Variants in THBS4 observed in about 807,000 individuals in gnomAD.
The protein encoded by THBS4 is thrombospondin-4.
In THBS4, 90 loss-of-function variants were observed where a neutral mutation model predicts 115.7. The ratio of observed to expected loss-of-function variants is 0.78; its 90% CI spans 0.66 to 0.93. The LOEUF (loss-of-function observed/expected upper bound fraction) is 0.93. THBS4 is among the 40% of genes least tolerant of loss of function. The probability of loss-of-function intolerance (pLI) is 0.00; values close to 1 mark genes in which losing one functional copy is unlikely to be tolerated. For missense variants in THBS4, 1,087 were observed against 1,232.7 expected (o/e 0.88, Z 1.77); for synonymous variants, 460 against 479.3 (o/e 0.96, Z 0.53).
intron 1 of THBS4, chr5:80,036,012 C>T (rs1489507287): frequency 9.9e-7 from 1 of 1,007,290 alleles, no homozygotes; most frequent in South Asian, 4.7e-5. Context: ...TCCCTAAATC[C>T]TTCCTCAGGC....
exon 1 of THBS4, chr5:79,991,389 C>G: frequency 1.4e-6 from 1 of 695,470 alleles, no homozygotes; most frequent in Non-Finnish European, 2.3e-6. Context: ...AAGAAGAACT[C>G]TTAGGAGCAG....
In THBS4 at chr5:80,080,076, AG is replaced by A. The variant is rs761590883; in HGVS notation, c.2684+1del. ...LQHRPQVGYI[R>X]VRFYEGSELV... is the part of the protein sequence containing the mutation. ...GCACAGGCCCCAGGTGGGCTACATCAGGTAGGTAGAGGCCCCATCTCCTTAC... is the reference window on the plus strand; with the variant it reads ...GCACAGGCCCCAGGTGGGCTACATCAGTAGGTAGAGGCCCCATCTCCTTAC... On this transcript the variant is annotated frameshift_variant and splice_region_variant, in exon 20 of 22. Coordinates refer to ENST00000350881, the MANE Select transcript of THBS4 (RefSeq NM_003248.6). LOFTEE classifies it high-confidence loss of function. 1 of 1,613,108 alleles carries A rather than the reference AG, an allele frequency of 6.2e-7. No homozygotes were observed. The highest frequency in any genetic ancestry group is 8.5e-7 in the Non-Finnish European group (1 of 1,179,552).
chr5:80,040,937 T>A (rs1267548920), intron 2 of THBS4, among the ~76,000 whole-genome samples: 1 of 152,116 alleles, frequency 6.6e-6, no homozygotes, highest in Admixed American at 6.5e-5. Context: ...TAACCCACTC[T>A]CTCAAGAACT....
intron 2 of THBS4, among the ~76,000 whole-genome samples, chr5:80,048,632 A>ATGTGTGTGTGTG (rs56183875): frequency 0.029 from 4,326 of 147,320 alleles, 89 homozygotes; most frequent in Non-Finnish European, 0.042. Context: ...CACTAGATAG[A>ATGTGTGTGTGTG]TGTGTGTGTG....
At position 80,055,863 on chromosome 5, in the gene THBS4, G is replaced by A. The variant is rs867388540; in HGVS notation, c.371G>A (p.Arg124Gln). The A allele has an allele frequency of 3.7e-6, 6 of 1,614,160 alleles. No homozygotes were observed. In the East Asian group the frequency reaches 6.7e-5, roughly 18 times the overall value. The change falls in exon 3 of 22, where the codon CGG becomes CAG. Residue 124 changes from arginine to glutamine, a missense_variant. Coordinates refer to ENST00000350881, the MANE Select transcript of THBS4 (RefSeq NM_003248.6). ...FNNLQLADGR[R>Q]HRILLRLSNL... ...AACCTGCAGCTGGCAGACGGAAGGC[G>A]GCACAGGATCCTCCTGAGGCTGAGC... is the stretch of plus-strand genomic sequence containing the variant.
chr5:80,082,630 C>T lies in THBS4; in HGVS notation c.2824+85C>T, dbSNP rs571201392. 15 of 1,538,016 alleles carry T rather than the reference C, an allele frequency of 9.8e-6. No individual in the cohort carries two copies. The African/African-American group carries it at 1.5e-4, about 15-fold the overall frequency. ...CTTATTTTTATACCGCACTTCCCCCCCAAAAGCCCAACGCTCATACCACAT... is the reference window on the plus strand; with the variant it reads ...CTTATTTTTATACCGCACTTCCCCCTCAAAAGCCCAACGCTCATACCACAT... On this transcript the variant is annotated intron_variant, in intron 21 of 21. Transcript: ENST00000350881.
Position 80,058,783 on chromosome 5 carries a change from G to C in THBS4, c.725G>C (p.Arg242Thr), listed in dbSNP as rs1324439473. The change falls in exon 5 of 22, where the codon AGA becomes ACA. Residue 242 changes from arginine to threonine, a missense_variant. Around this residue, in one of 3 missense-constraint regions of THBS4, gnomAD observed 979 missense variants for 1,103.7 expected, o/e 0.89. Transcript: ENST00000350881. ...QLLGEVKDLLRQQVKETSFLR... is the reference protein window; with the variant it reads ...QLLGEVKDLLTQQVKETSFLR... ...CTGGGAGAGGTGAAGGACCTTCTGA[G>C]ACAGCAGGTAACAAGCGGGACATAT... 1.9e-6 allele frequency: 3 copies of C among 1,613,698 alleles called. No homozygotes were observed. In the South Asian group the frequency reaches 3.3e-5, roughly 18 times the overall value.
At chr5:80,079,325 G>A in intron 19 of THBS4, 67 bp downstream of exon 19, 1 of 1,479,620 alleles carries the variant, frequency 6.8e-7, no homozygotes, top group South Asian at 1.4e-5. Flanking sequence ...CAGATATTGT[G>A]TTTTCCCATG....
At position 80,072,271 on chromosome 5, in the gene THBS4, C is replaced by T. The variant is rs780930167; in HGVS notation, c.1721-7C>T. ...CCCTGACTCAAGGTAGCATTTCTTTCTCACAGGAATAAAAAACATTCTGGA... is the reference window on the plus strand; with the variant it reads ...CCCTGACTCAAGGTAGCATTTCTTTTTCACAGGAATAAAAAACATTCTGGA... On this transcript the variant is annotated splice_polypyrimidine_tract_variant and splice_region_variant and intron_variant, in intron 13 of 21. Coordinates refer to ENST00000350881, the MANE Select transcript of THBS4 (RefSeq NM_003248.6). The T allele has an allele frequency of 1.3e-4, 206 of 1,612,872 alleles. No homozygotes were observed. The highest frequency in any genetic ancestry group is 9.9e-4 in the Middle Eastern group (6 of 6,082).
At chr5:80,021,005 A>G (rs1476530945) in intron 2 of THBS4, among the ~76,000 whole-genome samples, 1 of 152,250 alleles carries the variant, frequency 6.6e-6, no homozygotes, top group Non-Finnish European at 1.5e-5. Flanking sequence ...AAATTGAATT[A>G]ACACAAGAGT....
intron 2 of THBS4, among the ~76,000 whole-genome samples, chr5:80,042,590 C>T (rs1832937800): frequency 6.6e-6 from 1 of 152,172 alleles, no homozygotes; most frequent in South Asian, 2.1e-4. Context: ...ACAAGAGTAA[C>T]ACTGGATTTA....
At chr5:80,001,039 T>TA (rs1163989531) in intron 2 of THBS4, among the ~76,000 whole-genome samples, 2 of 152,096 alleles carry the variant, frequency 1.3e-5, no homozygotes, top group Non-Finnish European at 2.9e-5. Flanking sequence ...ACCAACAGCT[T>TA]ACAAAAATTA....
intron 10 of THBS4, among the ~76,000 whole-genome samples, chr5:80,070,081 A>C (rs1462434958): frequency 1.3e-5 from 2 of 151,528 alleles, no homozygotes; most frequent in African/African-American, 4.9e-5. Context: ...TGGAAGTGGG[A>C]GTGGGAGGGA....
intron 2 of THBS4, among the ~76,000 whole-genome samples, chr5:80,051,343 G>GCC (rs1833250606): frequency 6.6e-6 from 1 of 152,072 alleles, no homozygotes; most frequent in Admixed American, 6.6e-5. Flanking sequence ...TAAAATAAGT[G>GCC]TAGAGGCACT....
At position 80,061,751 on chromosome 5, in the gene THBS4, C is replaced by A. The variant is rs1330272342; in HGVS notation, c.1044C>A (p.Phe348Leu). 6.2e-7 allele frequency: 1 copy of A among 1,614,016 alleles called. No individual in the cohort carries two copies. The highest frequency in any genetic ancestry group is 2.2e-5 in the East Asian group (1 of 44,882). ...ACTGCATAAATTTGTCTCCTGGCTT[C>A]AGATGTGACGCCTGCCCAGTGGGCT... ...GVHCINLSPG[F>L]RCDACPVGFT... The change falls in exon 8 of 22, where the codon TTC (phenylalanine) becomes TTA (leucine). Residue 348 changes from phenylalanine to leucine, a missense_variant. Around this residue, in one of 3 missense-constraint regions of THBS4, gnomAD observed 979 missense variants for 1,103.7 expected, o/e 0.89. Transcript: ENST00000350881.
Position 80,022,133 on chromosome 5 carries a change from G to A in THBS4, n.178-17944G>A, listed in dbSNP as rs568087216. 4.1e-4 allele frequency among the ~76,000 whole-genome samples: 63 copies of A among 152,262 alleles called. No homozygotes were observed. The South Asian group carries it at 4.8e-3, about 12-fold the overall frequency. Reference sequence around the variant, plus strand: ...AACCCATTATGCTGATACAACAGAAGTTTAAGGTCCCAGGTTTTATCAGGC... The same window carrying A: ...AACCCATTATGCTGATACAACAGAAATTTAAGGTCCCAGGTTTTATCAGGC... On this transcript the variant is annotated intron_variant and non_coding_transcript_variant, in intron 2 of 3. Transcript: ENST00000510218.
chr5:80,020,347 G>A (rs1347266175), intron 2 of THBS4, among the ~76,000 whole-genome samples: 1 of 152,108 alleles, frequency 6.6e-6, no homozygotes, highest in South Asian at 2.1e-4. Context: ...GGTGGCAGGA[G>A]CCTGTAATCC....
chr5:80,062,778 T>C (rs1018393416), intron 8 of THBS4, among the ~76,000 whole-genome samples: 9 of 152,098 alleles, frequency 5.9e-5, no homozygotes, highest in African/African-American at 1.9e-4. Context: ...AGTGAGAACA[T>C]GCGGTGTTTG....
rs749856745 is a variant in THBS4 at position 80,080,097 on chromosome 5, C to G, written c.2684+20C>G. ...CATCAGGTAGGTAGAGGCCCCATCT[C>G]CTTACCTTGCTCTAGAAGCAAAGCA... On this transcript the variant is annotated intron_variant, in intron 20 of 21. Coordinates refer to ENST00000350881, the MANE Select transcript of THBS4 (RefSeq NM_003248.6). 1.2e-6 allele frequency: 2 copies of G among 1,608,158 alleles called. No homozygotes were observed. The highest frequency in any genetic ancestry group is 8.5e-7 in the Non-Finnish European group (1 of 1,176,958).
Sources: allele counts gnomAD v4.1 joint callset (sites outside exome capture counted in the v4.1 genomes callset), GRCh38; gene constraint gnomAD v4.1.1; regional missense constraint gnomAD v4.1.1; transcripts MANE v1.5; gene names NCBI Gene and HGNC (gene_info 2026-07-23, HGNC 2026-07-21).